Variants in ZMYND8 observed in about 807,000 individuals in gnomAD.
ZMYND8 encodes zinc finger MYND-type containing 8, also known as MYND-type zinc finger-containing chromatin reader ZMYND8.
In ZMYND8, 37 loss-of-function variants were observed where a neutral mutation model predicts 140.8. The ratio of observed to expected loss-of-function variants is 0.26; its 90% CI spans 0.20 to 0.35. The LOEUF is 0.35. Among genes scored for constraint, ZMYND8 ranks in the 10% least tolerant of loss-of-function variants. ZMYND8 has a pLI of 1.00. For missense variants in ZMYND8, 1,068 were observed against 1,570.0 expected (o/e 0.68, Z 5.40); for synonymous variants, 592 against 597.1 (o/e 0.99, Z 0.12).
At chr20:47,255,597 T>TAC (rs2074553038) in intron 12 of ZMYND8, among the ~76,000 whole-genome samples, 1 of 123,950 alleles carries the variant, frequency 8.1e-6, no homozygotes, top group African/African-American at 3.7e-5. Flanking sequence ...TGTGTGTGTA[T>TAC]ATATATATAT....
At chr20:47,255,257 G>A in intron 12 of ZMYND8, among the ~76,000 whole-genome samples, 1 of 152,096 alleles carries the variant, frequency 6.6e-6, no homozygotes, top group South Asian at 2.1e-4. Flanking sequence ...GTGACGTGCA[G>A]GAACAGGGGT....
intron 22 of ZMYND8, among the ~76,000 whole-genome samples, chr20:47,211,376 C>T (rs961023766): frequency 2.0e-5 from 3 of 152,184 alleles, no homozygotes; most frequent in African/African-American, 7.2e-5. Context: ...AACCAAATCA[C>T]ACTTGTCCAC....
intron 3 of ZMYND8, among the ~76,000 whole-genome samples, chr20:47,303,877 AG>A (rs1452160356): frequency 6.6e-6 from 1 of 152,174 alleles, no homozygotes; most frequent in East Asian, 1.9e-4. Context: ...GAGGATCCCG[AG>A]GACTGCCTGG....
intron 7 of ZMYND8, among the ~76,000 whole-genome samples, chr20:47,288,031 C>T (rs150290756): frequency 5.1e-4 from 77 of 152,264 alleles, no homozygotes; most frequent in African/African-American, 1.7e-3. Context: ...CTAAACCAGA[C>T]GACAAGATGG....
intron 11 of ZMYND8, among the ~76,000 whole-genome samples, chr20:47,269,250 C>CA (rs1042676319): frequency 2.6e-5 from 4 of 151,970 alleles, no homozygotes; most frequent in African/African-American, 4.8e-5. Context: ...AAGCAGATCA[C>CA]AAAAAAATCC....
intron 12 of ZMYND8, among the ~76,000 whole-genome samples, chr20:47,255,539 T>C (rs772493905): frequency 7.0e-6 from 1 of 142,070 alleles, no homozygotes; most frequent in Non-Finnish European, 1.5e-5. Flanking sequence ...TGGATATATA[T>C]ACACACCATA....
chr20:47,330,182 G>A (rs1275622297), intron 2 of ZMYND8, among the ~76,000 whole-genome samples: 1 of 151,982 alleles, frequency 6.6e-6, no homozygotes, highest in Non-Finnish European at 1.5e-5. Flanking sequence ...GCACATCACA[G>A]GACTCTCACA....
chr20:47,350,081 A>T, intron 1 of ZMYND8: 1 of 1,367,714 alleles, frequency 7.3e-7, no homozygotes, highest in Non-Finnish European at 9.4e-7. Flanking sequence ...AGAGAGGGAA[A>T]AAAAAGTTAA....
chr20:47,249,887 C>A (rs978952052), intron 12 of ZMYND8, among the ~76,000 whole-genome samples: 2 of 151,342 alleles, frequency 1.3e-5, no homozygotes, highest in East Asian at 1.9e-4. Flanking sequence ...GCGACCCCCT[C>A]GAAAACACCC....
chr20:47,354,471 T>C (rs1037014127), intron 1 of ZMYND8: 4 of 152,202 alleles, frequency 2.6e-5, no homozygotes, highest in African/African-American at 9.6e-5. Context: ...CTTACTTGTT[T>C]GGGGCAGTGG....
At chr20:47,235,759 G>A (rs936988353) in intron 16 of ZMYND8, among the ~76,000 whole-genome samples, 2 of 151,568 alleles carry the variant, frequency 1.3e-5, no homozygotes, top group South Asian at 2.1e-4. Flanking sequence ...AGGGGCCTGT[G>A]CTGAGACAGT....
intron 19 of ZMYND8, 88 bp downstream of exon 19, chr20:47,224,222 CTTGACAA>C: frequency 6.4e-7 from 1 of 1,557,564 alleles, no homozygotes; most frequent in Admixed American, 1.8e-5. Flanking sequence ...GGCAAGCTCC[CTTGACAA>C]TTAGCCCTGA....
intron 11 of ZMYND8, 131 bp downstream of exon 11, chr20:47,276,183 A>G (rs902477899): frequency 7.9e-7 from 1 of 1,270,552 alleles, no homozygotes; most frequent in African/African-American, 1.5e-5. Flanking sequence ...CTTCTTGAAA[A>G]TCTGCTCTGT....
chr20:47,294,329 G>A (rs2077499819), intron 5 of ZMYND8, among the ~76,000 whole-genome samples: 1 of 151,736 alleles, frequency 6.6e-6, no homozygotes, highest in South Asian at 2.1e-4. Context: ...TCCAGCCTGG[G>A]TGACAGAGCA....
rs182132816 is a variant in ZMYND8, at chr20:47,251,368, T to C, written c.1622-1929A>G. Among the ~76,000 whole-genome samples, 10 of 152,186 alleles carry C rather than the reference T, an allele frequency of 6.6e-5. No homozygotes were observed. The East Asian group carries it at 1.9e-3, about 29-fold the overall frequency. On this transcript the variant is annotated intron_variant, in intron 12 of 22. Coordinates refer to ENST00000471951, the MANE Select transcript of ZMYND8 (RefSeq NM_001281775.3). Reference sequence around the variant, plus strand: ...TCGGAGGCAGAGGCAGGAGGATTGCTTGAGGCCAGGAGTTCGAGACCAGGC... The same window carrying C: ...TCGGAGGCAGAGGCAGGAGGATTGCCTGAGGCCAGGAGTTCGAGACCAGGC...
intron 8 of ZMYND8, among the ~76,000 whole-genome samples, chr20:47,284,540 A>G (rs1315246316): frequency 6.6e-6 from 1 of 152,142 alleles, no homozygotes; most frequent in Non-Finnish European, 1.5e-5. Flanking sequence ...TCAAAGCCAC[A>G]TGTGATCTGG....
intron 12 of ZMYND8, among the ~76,000 whole-genome samples, chr20:47,255,720 G>GTGTA (rs1185188536): frequency 1.8e-4 from 5 of 27,238 alleles, no homozygotes; most frequent in Non-Finnish European, 1.5e-4. Context: ...CCGTGTATGT[G>GTGTA]TGTATATATA....
intron 12 of ZMYND8, among the ~76,000 whole-genome samples, chr20:47,255,622 CATAT>C (rs1296156306): frequency 1.6e-5 from 2 of 123,972 alleles, no homozygotes; most frequent in Non-Finnish European, 3.3e-5. Flanking sequence ...ACACCATATA[CATAT>C]ACTCAGTATA....
chr20:47,265,228 T>C (rs1207676578), intron 11 of ZMYND8, among the ~76,000 whole-genome samples: 1 of 152,088 alleles, frequency 6.6e-6, no homozygotes, highest in Non-Finnish European at 1.5e-5. Flanking sequence ...GCTTCTCTAA[T>C]TGTATTCCCA....
Sources: allele counts gnomAD v4.1 joint callset (sites outside exome capture counted in the v4.1 genomes callset), GRCh38; gene constraint gnomAD v4.1.1; transcripts MANE v1.5; gene names NCBI Gene and HGNC (gene_info 2026-07-23, HGNC 2026-07-21).